The following MED12L variants were observed in gnomAD, a reference collection of about 807,000 sequenced individuals.
MED12L encodes mediator of RNA polymerase II transcription subunit 12-like protein.
Under a neutral mutation model 281.3 loss-of-function variants are expected in MED12L, and 60 were observed. The ratio of observed to expected loss-of-function variants is 0.21; its 90% confidence interval spans 0.17 to 0.26. The LOEUF (loss-of-function observed/expected upper bound fraction) is 0.26. Among genes scored for constraint, MED12L ranks in the 10% least tolerant of loss-of-function variants. MED12L has a pLI of 1.00. For synonymous variants in MED12L, 974 were observed against 987.2 expected, an observed-to-expected ratio of 0.99 and a Z score of 0.25; for missense variants, 2,146 against 2,680.9, an observed-to-expected ratio of 0.80 and a Z score of 4.41.
At chr3:151,138,417 TGATAC>T (rs1716461759) in intron 5 of MED12L, among the ~76,000 whole-genome samples, 1 of 152,228 alleles carries the variant, frequency 6.6e-6, no homozygotes, top group South Asian at 2.1e-4. Flanking sequence ...TGCATTAATA[TGATAC>T]ATTTATTATA....
intron 2 of MED12L, 57 bp downstream of exon 2, chr3:151,087,082 G>A: frequency 7.0e-7 from 1 of 1,422,272 alleles, no homozygotes; most frequent in South Asian, 1.3e-5. Context: ...GCACTGACCC[G>A]GGGCCAAGTT....
chr3:151,179,347 CG>C (rs1197363505), intron 11 of MED12L, among the ~76,000 whole-genome samples: 1 of 151,784 alleles, frequency 6.6e-6, no homozygotes, highest in Non-Finnish European at 1.5e-5. Flanking sequence ...AAAAAAAGGG[CG>C]GGGGGTTAAT....
intron 16 of MED12L, among the ~76,000 whole-genome samples, chr3:151,230,793 A>G (rs999975090): frequency 6.6e-6 from 1 of 152,198 alleles, no homozygotes; most frequent in Non-Finnish European, 1.5e-5. Flanking sequence ...CCATTTTTAA[A>G]TAACAAAAGT....
At chr3:151,349,945 G>T in intron 16 of MED12L, 114 bp from the exon 17 acceptor site, 1 of 864,610 alleles carries the variant, frequency 1.2e-6, no homozygotes. Context: ...GGGAGGGCGG[G>T]ATGCCACCAC....
intron 5 of MED12L, among the ~76,000 whole-genome samples, chr3:151,152,624 C>T (rs569251061): frequency 4.6e-5 from 7 of 152,052 alleles, no homozygotes; most frequent in Non-Finnish European, 7.4e-5. Flanking sequence ...TATTGATTTC[C>T]GTGTTGCATG....
chr3:151,199,391 AG>A, intron 16 of MED12L: 1 of 1,597,140 alleles, frequency 6.3e-7, no homozygotes, highest in Non-Finnish European at 8.5e-7. Context: ...TGTCATCTTG[AG>A]GGAAAGTAAG....
intron 16 of MED12L, among the ~76,000 whole-genome samples, chr3:151,251,421 C>T (rs1431993360): frequency 6.6e-6 from 1 of 151,912 alleles, no homozygotes; most frequent in African/African-American, 2.4e-5. Context: ...GACTGTTATT[C>T]CCACCAAACC....
chr3:151,401,225 ATATGT>A (rs1450508318), intron 39 of MED12L, among the ~76,000 whole-genome samples: 1 of 151,132 alleles, frequency 6.6e-6, no homozygotes, highest in Non-Finnish European at 1.5e-5. Flanking sequence ...ACGAATATTA[ATATGT>A]TATTTATTCA....
intron 16 of MED12L, among the ~76,000 whole-genome samples, chr3:151,256,257 T>C (rs1056695375): frequency 1.3e-5 from 2 of 152,230 alleles, no homozygotes; most frequent in African/African-American, 2.4e-5. Flanking sequence ...TAAGATCTCA[T>C]ATGCAGTACC....
intron 16 of MED12L, among the ~76,000 whole-genome samples, chr3:151,260,890 T>C (rs1370371879): frequency 1.3e-5 from 2 of 152,160 alleles, no homozygotes; most frequent in African/African-American, 4.8e-5. Flanking sequence ...AAGTCAACAT[T>C]TATCTTTATC....
At chr3:151,413,680 A>G (rs1336801109) in intron 42 of MED12L, among the ~76,000 whole-genome samples, 1 of 152,222 alleles carries the variant, frequency 6.6e-6, no homozygotes, top group Admixed American at 6.5e-5. Flanking sequence ...AGCTTTCATC[A>G]GATTCCTAGA....
chr3:151,369,083 A>G (rs1173902163), intron 25 of MED12L, among the ~76,000 whole-genome samples: 1 of 152,130 alleles, frequency 6.6e-6, no homozygotes, highest in Non-Finnish European at 1.5e-5. Context: ...TGTACTAAGT[A>G]AAAGGAATAA....
chr3:151,086,659 TC>T, intron 1 of MED12L, 138 bp from the exon 2 acceptor site: 1 of 335,378 alleles, frequency 3.0e-6, no homozygotes, highest in East Asian at 5.7e-5. Context: ...CGACCTCTAG[TC>T]CCTCCGCCGC....
chr3:151,250,669 T>C (rs1455319934), intron 16 of MED12L, among the ~76,000 whole-genome samples: 1 of 152,226 alleles, frequency 6.6e-6, no homozygotes, highest in Non-Finnish European at 1.5e-5. Context: ...TATTCATCTG[T>C]CCATAGTCCT....
intron 21 of MED12L, 50 bp from the exon 22 acceptor site, chr3:151,364,929 G>GT (rs745913438): frequency 7.7e-7 from 1 of 1,290,496 alleles, no homozygotes; most frequent in Non-Finnish European, 1.1e-6. Context: ...TAGTTTTCTA[G>GT]TTATTCTAGT....
At chr3:151,244,655 A>G (rs1346600214) in intron 16 of MED12L, among the ~76,000 whole-genome samples, 7 of 151,128 alleles carry the variant, frequency 4.6e-5, no homozygotes, top group African/African-American at 1.7e-4. Flanking sequence ...AATGCCCACA[A>G]GAGAAAGCAG....
chr3:151,099,248 T>C (rs1425526737), intron 2 of MED12L, among the ~76,000 whole-genome samples: 4 of 152,222 alleles, frequency 2.6e-5, no homozygotes, highest in African/African-American at 9.7e-5. Flanking sequence ...GGAAGGAGCA[T>C]GAGAATTTAC....
chr3:151,406,529 C>T (rs892324756), intron 39 of MED12L, among the ~76,000 whole-genome samples: 4 of 152,060 alleles, frequency 2.6e-5, no homozygotes, highest in African/African-American at 9.7e-5. Flanking sequence ...GAGAATATTG[C>T]ATATCTGAAT....
intron 16 of MED12L, among the ~76,000 whole-genome samples, chr3:151,268,825 A>T (rs950495855): frequency 1.3e-5 from 2 of 152,238 alleles, no homozygotes; most frequent in Non-Finnish European, 2.9e-5. Context: ...TAAAGGTAAA[A>T]CTAAGACCAC....
Sources: allele counts gnomAD v4.1 joint callset (sites outside exome capture counted in the v4.1 genomes callset), GRCh38; gene constraint gnomAD v4.1.1; transcripts MANE v1.5; gene names NCBI Gene and HGNC (gene_info 2026-07-23, HGNC 2026-07-21).